The following GALNT13 variants were observed in gnomAD, a reference collection of about 807,000 sequenced individuals.
GALNT13 encodes UDP-GalNAc:polypeptide N-acetylgalactosaminyltransferase 13.
In GALNT13, 28 loss-of-function variants were observed where a neutral mutation model predicts 64.2. The ratio of observed to expected loss-of-function variants is 0.44; its 90% confidence interval spans 0.32 to 0.60. The LOEUF (loss-of-function observed/expected upper bound fraction) is 0.60. GALNT13 is among the 20% of genes least tolerant of loss of function. GALNT13 has a pLI of 0.05. For synonymous variants in GALNT13, 214 were observed against 224.6 expected, an observed-to-expected ratio of 0.95 and a Z score of 0.42; for missense variants, 577 against 669.8, an observed-to-expected ratio of 0.86 and a Z score of 1.53.
the GALNT13 span, among the ~76,000 whole-genome samples, chr2:153,541,316 G>A: frequency 7.9e-5 from 12 of 152,182 alleles, no homozygotes; most frequent in South Asian, 2.5e-3. Flanking sequence ...GTTTCCTGAG[G>A]CTTCCCTAAT....
chr2:153,545,622 G>A, the GALNT13 span, among the ~76,000 whole-genome samples: 1 of 152,114 alleles, frequency 6.6e-6, no homozygotes, highest in African/African-American at 2.4e-5. Flanking sequence ...TAGATTCTAG[G>A]CTATCAACTT....
At chr2:153,098,483 A>G in the GALNT13 span, among the ~76,000 whole-genome samples, 4 of 152,206 alleles carry the variant, frequency 2.6e-5, no homozygotes, top group Non-Finnish European at 5.9e-5. Context: ...CCACCTAAGT[A>G]TGCATTCCTA....
the GALNT13 span, among the ~76,000 whole-genome samples, chr2:153,729,618 C>T: frequency 6.6e-6 from 1 of 151,860 alleles, no homozygotes; most frequent in Non-Finnish European, 1.5e-5. Context: ...TCCTATTTAA[C>T]ATAGTACTGG....
chr2:153,192,421 A>C, the GALNT13 span, among the ~76,000 whole-genome samples: 1 of 152,104 alleles, frequency 6.6e-6, no homozygotes, highest in Non-Finnish European at 1.5e-5. Flanking sequence ...ATTTTTAAAA[A>C]TTTATTGAGA....
chr2:153,305,303 CATT>C, the GALNT13 span, among the ~76,000 whole-genome samples: 1 of 152,150 alleles, frequency 6.6e-6, no homozygotes, highest in African/African-American at 2.4e-5. Context: ...GCGTCAATCT[CATT>C]GTTCTACACA....
At chr2:153,774,097 GT>G in the GALNT13 span, among the ~76,000 whole-genome samples, 1 of 151,938 alleles carries the variant, frequency 6.6e-6, no homozygotes, top group African/African-American at 2.4e-5. Flanking sequence ...TGGAAAACTA[GT>G]TGAAATACAT....
At chr2:153,869,681 T>A (rs1228579404), upstream of GALNT13, among the ~76,000 whole-genome samples, 1 of 152,208 alleles carries the variant, frequency 6.6e-6, no homozygotes, top group Non-Finnish European at 1.5e-5. Flanking sequence ...ACCAGATTTA[T>A]CCACTACATG....
At chr2:154,200,900 G>A (rs16836203) in intron 4 of GALNT13, among the ~76,000 whole-genome samples, 5,462 of 152,120 alleles carry the variant, frequency 0.036, 147 homozygotes, top group East Asian at 0.12. Context: ...GAACTGAAGA[G>A]GCTTTGGGAA....
chr2:154,357,825 T>G (rs1294436302), intron 9 of GALNT13, among the ~76,000 whole-genome samples: 2 of 152,046 alleles, frequency 1.3e-5, no homozygotes, highest in Non-Finnish European at 2.9e-5. Context: ...TGGAGGATAA[T>G]GATGGTTTGC....
intron 9 of GALNT13, among the ~76,000 whole-genome samples, chr2:154,370,748 C>T (rs1394571508): frequency 2.0e-5 from 3 of 152,098 alleles, no homozygotes; most frequent in African/African-American, 7.2e-5. Flanking sequence ...TGAGTTAAAT[C>T]AGGCTTAGTG....
chr2:154,122,838 A>G (rs1034583637), intron 3 of GALNT13, among the ~76,000 whole-genome samples: 2 of 152,038 alleles, frequency 1.3e-5, no homozygotes, highest in African/African-American at 2.4e-5. Flanking sequence ...GTAGTGCAAG[A>G]AACACTAACA....
At chr2:153,281,907 T>C in the GALNT13 span, among the ~76,000 whole-genome samples, 1 of 151,920 alleles carries the variant, frequency 6.6e-6, no homozygotes, top group African/African-American at 2.4e-5. Flanking sequence ...ATCACACAGG[T>C]TAGGTGTTAT....
chr2:153,485,830 G>A, the GALNT13 span, among the ~76,000 whole-genome samples: 1 of 152,172 alleles, frequency 6.6e-6, no homozygotes. Context: ...AGCCCAGGAG[G>A]TTGAGGCTGC....
At chr2:153,878,336 T>C (rs1243982500) in intron 1 of GALNT13, among the ~76,000 whole-genome samples, 2 of 152,170 alleles carry the variant, frequency 1.3e-5, no homozygotes, top group Non-Finnish European at 2.9e-5. Context: ...TTCCCGTAGA[T>C]TGTGCTTGGA....
At chr2:153,616,593 T>C in the GALNT13 span, among the ~76,000 whole-genome samples, 1 of 151,994 alleles carries the variant, frequency 6.6e-6, no homozygotes, top group Non-Finnish European at 1.5e-5. Context: ...TTGTTTTCTC[T>C]TCAGTTTCTT....
chr2:153,268,294 G>T, the GALNT13 span, among the ~76,000 whole-genome samples: 2 of 152,148 alleles, frequency 1.3e-5, no homozygotes, highest in Non-Finnish European at 2.9e-5. Context: ...GGGGCTACAG[G>T]CCTCATGCAT....
At chr2:153,414,782 A>G in the GALNT13 span, among the ~76,000 whole-genome samples, 3 of 152,166 alleles carry the variant, frequency 2.0e-5, no homozygotes, top group Non-Finnish European at 4.4e-5. Context: ...AACTCTGAAA[A>G]TATACTCCTA....
chr2:154,338,043 T>C (rs2105214936), intron 9 of GALNT13, among the ~76,000 whole-genome samples: 1 of 152,228 alleles, frequency 6.6e-6, no homozygotes, highest in African/African-American at 2.4e-5. Context: ...GCAGAGAATT[T>C]CTTTTCTAGA....
chr2:153,572,965 A>G, the GALNT13 span, among the ~76,000 whole-genome samples: 5 of 151,888 alleles, frequency 3.3e-5, no homozygotes, highest in African/African-American at 1.2e-4. Context: ...CATTTGGTCA[A>G]TAGTGCAGAT....
Sources: allele counts gnomAD v4.1 joint callset (sites outside exome capture counted in the v4.1 genomes callset), GRCh38; gene constraint gnomAD v4.1.1; transcripts MANE v1.5; gene names NCBI Gene and HGNC (gene_info 2026-07-23, HGNC 2026-07-21).